The following SCN8A variants were observed in gnomAD, a reference collection of about 807,000 sequenced individuals.
SCN8A encodes sodium channel protein type 8 subunit alpha.
SCN8A carries 30 observed loss-of-function variants against 184.1 expected under a neutral mutation model. The observed-to-expected ratio is 0.16, with a 90% CI of 0.12 to 0.22. The LOEUF (loss-of-function observed/expected upper bound fraction) is 0.22, where lower values mean the gene tolerates loss of function less well. SCN8A is among the 10% of genes least tolerant of loss of function. The pLI is 1.00. For missense variants in SCN8A, 1,057 were observed against 2,498.9 expected, an observed-to-expected ratio of 0.42 and a Z score of 12.30; for synonymous variants, 852 against 907.0, an observed-to-expected ratio of 0.94 and a Z score of 1.09.
At chr12:51,801,498 C>G (rs946045136) in intron 26 of SCN8A, among the ~76,000 whole-genome samples, 2 of 152,200 alleles carry the variant, frequency 1.3e-5, no homozygotes, top group African/African-American at 4.8e-5. Context: ...ATCCCTTCCT[C>G]TACATTAAAC....
At chr12:51,623,340 G>T (rs754472982) in intron 1 of SCN8A, among the ~76,000 whole-genome samples, 8 of 152,254 alleles carry the variant, frequency 5.3e-5, no homozygotes, top group Middle Eastern at 3.4e-3. Flanking sequence ...ATTTGCACTG[G>T]TATCTTTGAC....
chr12:51,713,839 T>C (rs550733797), intron 11 of SCN8A, among the ~76,000 whole-genome samples: 3 of 151,876 alleles, frequency 2.0e-5, no homozygotes, highest in Non-Finnish European at 4.4e-5. Flanking sequence ...TAATTTCTCA[T>C]ATTAGAAATT....
chr12:51,631,721 G>C (rs1424277047), intron 1 of SCN8A, among the ~76,000 whole-genome samples: 1 of 152,174 alleles, frequency 6.6e-6, no homozygotes, highest in African/African-American at 2.4e-5. Context: ...CTTATTTAAA[G>C]AGATCATACT....
chr12:51,788,129 A>G (rs1234685089), intron 22 of SCN8A, among the ~76,000 whole-genome samples: 1 of 152,194 alleles, frequency 6.6e-6, no homozygotes, highest in African/African-American at 2.4e-5. Flanking sequence ...GTCTAGATAT[A>G]GTAGACTGAA....
chr12:51,608,501 T>A (rs1048417385), intron 1 of SCN8A, among the ~76,000 whole-genome samples: 1 of 152,162 alleles, frequency 6.6e-6, no homozygotes, highest in Non-Finnish European at 1.5e-5. Context: ...GATCCATCTC[T>A]TTTAGGTTTT....
intron 11 of SCN8A, chr12:51,712,957 C>G: frequency 6.3e-7 from 1 of 1,593,732 alleles, no homozygotes; most frequent in Non-Finnish European, 8.6e-7. Context: ...AGATCCACCT[C>G]CACGACCTGT....
intron 1 of SCN8A, among the ~76,000 whole-genome samples, chr12:51,635,790 G>C (rs1050406918): frequency 6.6e-6 from 1 of 152,102 alleles, no homozygotes; most frequent in African/African-American, 2.4e-5. Flanking sequence ...ATGATTTTAA[G>C]TGTTGTTTTT....
chr12:51,752,987 G>A (rs1374101864), intron 14 of SCN8A, among the ~76,000 whole-genome samples: 1 of 151,986 alleles, frequency 6.6e-6, no homozygotes, highest in Non-Finnish European at 1.5e-5. Flanking sequence ...GATTTTCAAG[G>A]GATTTTGAGA....
In SCN8A at chr12:51,657,373, C is replaced by T. The variant is rs116068185; in HGVS notation, c.-54-5391C>T. Among the ~76,000 whole-genome samples the T allele has an allele frequency of 8.0e-3, 1,209 of 152,034 alleles. 14 individuals are homozygous for T. Among genetic ancestry groups the T allele is most frequent in the African/African-American group, 0.028 (1,164 of 41,500 alleles). On this transcript the variant is annotated intron_variant, in intron 1 of 26. Coordinates refer to ENST00000627620, the MANE Select transcript of SCN8A (RefSeq NM_001330260.2). ...TCAAAATCCACTTTTCTAGCGTTTCCCTGATGATAAGTGATGAGCATTTTT... is the reference window on the plus strand; with the variant it reads ...TCAAAATCCACTTTTCTAGCGTTTCTCTGATGATAAGTGATGAGCATTTTT...
intron 1 of SCN8A, among the ~76,000 whole-genome samples, chr12:51,645,176 G>A (rs1219103976): frequency 2.7e-5 from 4 of 148,960 alleles, no homozygotes; most frequent in African/African-American, 7.4e-5. Context: ...CCCTCTGCCC[G>A]GCCAGCCGCC....
chr12:51,810,061 T>C lies in SCN8A; in HGVS notation c.*2632T>C, dbSNP rs1259461350. ...TCCCGCCAAGTACACCATGTGCTCA[T>C]GCTAGTGATGTCATTAAGCTACTAG... On this transcript the variant is annotated 3_prime_UTR_variant, in exon 27 of 27. Coordinates refer to ENST00000627620, the MANE Select transcript of SCN8A (RefSeq NM_001330260.2). 1.3e-5 allele frequency: 2 copies of C among 159,780 alleles called. No homozygotes were observed. Among genetic ancestry groups the C allele is most frequent in the African/African-American group, 4.8e-5 (2 of 41,582 alleles). The allele number at this position is 159,780 out of a possible 1,614,324, so 9.9% of individuals were successfully genotyped here. A position where few individuals can be genotyped will look rare whatever the true frequency, so the allele number is the denominator to read the frequency against.
intron 1 of SCN8A, among the ~76,000 whole-genome samples, chr12:51,614,691 G>A (rs544182111): frequency 3.8e-4 from 58 of 151,634 alleles, no homozygotes; most frequent in African/African-American, 4.8e-4. Flanking sequence ...TCCAGGATCC[G>A]GTCCAGGATA....
chr12:51,639,497 C>T (rs1193979397), intron 1 of SCN8A, among the ~76,000 whole-genome samples: 1 of 152,064 alleles, frequency 6.6e-6, no homozygotes, highest in Non-Finnish European at 1.5e-5. Context: ...TCACTGTAGC[C>T]TCGAACTCCC....
At chr12:51,646,779 A>C (rs1004638597) in intron 1 of SCN8A, among the ~76,000 whole-genome samples, 1 of 152,224 alleles carries the variant, frequency 6.6e-6, no homozygotes, top group African/African-American at 2.4e-5. Flanking sequence ...AAGCAAGTTA[A>C]ATTTGAAGAA....
At chr12:51,717,165 C>A (rs552793517) in intron 11 of SCN8A, among the ~76,000 whole-genome samples, 56 of 152,326 alleles carry the variant, frequency 3.7e-4, no homozygotes, top group African/African-American at 1.3e-3. Flanking sequence ...CTCTTGGGAA[C>A]GGAAGTAACG....
rs569219459 is a variant in SCN8A, at chr12:51,601,652, A to C, written c.-55+10293A>C. On this transcript the variant is annotated intron_variant, in intron 1 of 26. Transcript: ENST00000627620. Reference sequence around the variant, plus strand: ...TGTTTTCCATTTTAATTTTAATTAGATTAAAATTAAAGTCTGACCCTTGGG... The same window carrying C: ...TGTTTTCCATTTTAATTTTAATTAGCTTAAAATTAAAGTCTGACCCTTGGG... Among the ~76,000 whole-genome samples, 3 of 152,206 alleles carry C rather than the reference A, an allele frequency of 2.0e-5. No homozygotes were observed. In the East Asian group the frequency reaches 5.8e-4, roughly 29 times the overall value.
chr12:51,731,085 AG>A (rs1947276968), intron 12 of SCN8A, among the ~76,000 whole-genome samples: 1 of 152,220 alleles, frequency 6.6e-6, no homozygotes, highest in Admixed American at 6.5e-5. Context: ...GTTGTGTCTA[AG>A]TACCACATTT....
intron 12 of SCN8A, among the ~76,000 whole-genome samples, chr12:51,727,469 T>A (rs1942173798): frequency 6.6e-6 from 1 of 151,982 alleles, no homozygotes; most frequent in African/African-American, 2.4e-5. Flanking sequence ...ATGTGATCTT[T>A]CCTCTGGCCC....
At chr12:51,712,741 T>C (rs771366093) in intron 11 of SCN8A, 10 of 1,112,762 alleles carry the variant, frequency 9.0e-6, no homozygotes, top group Non-Finnish European at 1.4e-5. Flanking sequence ...ACCACCACCA[T>C]AGCCCCCTCT....
Sources: allele counts gnomAD v4.1 joint callset (sites outside exome capture counted in the v4.1 genomes callset), GRCh38; gene constraint gnomAD v4.1.1; transcripts MANE v1.5; gene names NCBI Gene and HGNC (gene_info 2026-07-23, HGNC 2026-07-21).